Variants in COL24A1 observed in about 807,000 individuals in gnomAD.
The protein encoded by COL24A1 is collagen type XXIV alpha 1 chain.
A neutral mutation model predicts 253.9 loss-of-function variants in COL24A1; 224 were observed. That is an observed-to-expected ratio of 0.88 (90% CI 0.79 to 0.99). The LOEUF is 0.99. COL24A1 is among the 50% of genes least tolerant of loss of function. COL24A1 has a pLI of 0.00. For missense variants in COL24A1, 2,131 were observed against 2,068.5 expected (o/e 1.03, Z -0.59); for synonymous variants, 685 against 673.7 (o/e 1.02, Z -0.26).
At chr1:86,104,908 G>GA (rs1704812643) in intron 5 of COL24A1, among the ~76,000 whole-genome samples, 1 of 152,232 alleles carries the variant, frequency 6.6e-6, no homozygotes, top group East Asian at 1.9e-4. Flanking sequence ...TGAGAGACCA[G>GA]CCTCCATGCA....
intron 24 of COL24A1, chr1:85,960,883 CAATAAATAAATAAATA>C (rs71078631): frequency 0.26 from 42,249 of 159,774 alleles, 5,742 homozygotes; most frequent in South Asian, 0.28. Flanking sequence ...GACTCCATCT[CAATAAATAAATAAATA>C]AATAAATAAA....
intron 43 of COL24A1, among the ~76,000 whole-genome samples, chr1:85,829,909 T>C (rs1202522944): frequency 6.6e-6 from 1 of 152,142 alleles, no homozygotes; most frequent in East Asian, 1.9e-4. Flanking sequence ...GTCTGAAGCC[T>C]TCTTCTCTGA....
At chr1:86,011,106 T>C (rs1456403852) in intron 19 of COL24A1, among the ~76,000 whole-genome samples, 1 of 152,198 alleles carries the variant, frequency 6.6e-6, no homozygotes, top group African/African-American at 2.4e-5. Context: ...TTCTCTAACT[T>C]TTCTGGAAGA....
chr1:85,857,097 A>T (rs1411447988), intron 37 of COL24A1, among the ~76,000 whole-genome samples: 1 of 152,080 alleles, frequency 6.6e-6, no homozygotes, highest in African/African-American at 2.4e-5. Flanking sequence ...TCAGAGAGAG[A>T]TCTTTTTTGC....
At chr1:85,754,584 A>G (rs1396543655) in intron 55 of COL24A1, among the ~76,000 whole-genome samples, 1 of 150,714 alleles carries the variant, frequency 6.6e-6, no homozygotes, top group African/African-American at 2.4e-5. Context: ...GGACAGTATG[A>G]GAAAGATGTC....
Position 86,129,653 on chromosome 1 carries a change from C to T in COL24A1, c.122-3439G>A, listed in dbSNP as rs1318067449. 4.0e-5 allele frequency among the ~76,000 whole-genome samples: 6 copies of T among 151,538 alleles called. No homozygotes were observed. The East Asian group carries it at 9.7e-4, about 24-fold the overall frequency. ...TTTTATTTGTATTTTCTCTTTGACC[C>T]AAGTGGTTTAAGAAAAAAGTTTTAA... On this transcript the variant is annotated intron_variant, in intron 2 of 59. Transcript: ENST00000370571.
chr1:86,008,020 A>T (rs1460424774), intron 19 of COL24A1, among the ~76,000 whole-genome samples: 1 of 152,144 alleles, frequency 6.6e-6, no homozygotes, highest in African/African-American at 2.4e-5. Flanking sequence ...CAAATGTGCC[A>T]CTCTTGTAGA....
intron 47 of COL24A1, among the ~76,000 whole-genome samples, chr1:85,797,863 A>G (rs1570657717): frequency 6.6e-6 from 1 of 152,172 alleles, no homozygotes; most frequent in East Asian, 1.9e-4. Context: ...GGAAATGTCA[A>G]CAGAGGCTAG....
At chr1:85,818,132 C>A in intron 45 of COL24A1, 45 bp from the exon 46 acceptor site, 1 of 1,510,828 alleles carries the variant, frequency 6.6e-7, no homozygotes, top group Non-Finnish European at 9.2e-7. Flanking sequence ...AATAATCTTA[C>A]TTAAACTGAA....
At chr1:86,018,753 C>T (rs1571618283) in intron 18 of COL24A1, among the ~76,000 whole-genome samples, 1 of 152,136 alleles carries the variant, frequency 6.6e-6, no homozygotes, top group Non-Finnish European at 1.5e-5. Flanking sequence ...AAATAAACCT[C>T]TACAAATGAC....
At chr1:86,081,795 C>A (rs531974889) in intron 7 of COL24A1, among the ~76,000 whole-genome samples, 96 of 152,128 alleles carry the variant, frequency 6.3e-4, no homozygotes, top group African/African-American at 2.2e-3. Context: ...TTGTGTTGTT[C>A]GGGAACTGAC....
intron 7 of COL24A1, among the ~76,000 whole-genome samples, chr1:86,075,541 T>C (rs1011309065): frequency 5.9e-5 from 9 of 152,226 alleles, no homozygotes; most frequent in African/African-American, 1.9e-4. Flanking sequence ...TAACTCATTT[T>C]ATGAGGCCAG....
chr1:85,970,555 GA>G (rs1161777084), intron 21 of COL24A1, among the ~76,000 whole-genome samples: 1 of 151,368 alleles, frequency 6.6e-6, no homozygotes, highest in East Asian at 1.9e-4. Flanking sequence ...TTCTCTAAAA[GA>G]AAAAAAGGCA....
At chr1:85,866,838 G>T in intron 37 of COL24A1, among the ~76,000 whole-genome samples, 1 of 152,118 alleles carries the variant, frequency 6.6e-6, no homozygotes, top group South Asian at 2.1e-4. Flanking sequence ...TGCTGTGCTG[G>T]AACACCCATC....
intron 5 of COL24A1, among the ~76,000 whole-genome samples, chr1:86,094,536 C>G (rs1053830732): frequency 2.6e-5 from 4 of 151,888 alleles, no homozygotes; most frequent in Non-Finnish European, 4.4e-5. Flanking sequence ...AGGCTCAATA[C>G]CTGGGTGATG....
intron 55 of COL24A1, among the ~76,000 whole-genome samples, chr1:85,755,907 G>GA (rs199846494): frequency 0.031 from 777 of 25,344 alleles, 8 homozygotes; most frequent in African/African-American, 0.048. Flanking sequence ...GACTATATCA[G>GA]AAAAAAAAAA....
At chr1:86,117,691 C>T (rs1016514430) in intron 3 of COL24A1, among the ~76,000 whole-genome samples, 4 of 152,098 alleles carry the variant, frequency 2.6e-5, no homozygotes, top group African/African-American at 9.6e-5. Flanking sequence ...TTTCTAGATA[C>T]CAGAGAAGAA....
At chr1:86,025,499 G>A (rs536743868) in intron 14 of COL24A1, among the ~76,000 whole-genome samples, 10 of 152,164 alleles carry the variant, frequency 6.6e-5, no homozygotes, top group Non-Finnish European at 1.2e-4. Flanking sequence ...ATACTCACAC[G>A]TGATACACAT....
intron 7 of COL24A1, among the ~76,000 whole-genome samples, chr1:86,082,021 G>A (rs932103612): frequency 1.4e-4 from 22 of 152,106 alleles, no homozygotes; most frequent in African/African-American, 4.6e-4. Context: ...TCCAACATAT[G>A]AGAAACTATT....
Sources: allele counts gnomAD v4.1 joint callset (sites outside exome capture counted in the v4.1 genomes callset), GRCh38; gene constraint gnomAD v4.1.1; transcripts MANE v1.5; gene names NCBI Gene and HGNC (gene_info 2026-07-23, HGNC 2026-07-21).